Variants in BRD3 observed in about 807,000 individuals in gnomAD.
BRD3 encodes the protein bromodomain containing 3.
Under a neutral mutation model 66.8 loss-of-function variants are expected in BRD3, and 17 were observed. The ratio of observed to expected loss-of-function variants is 0.25; its 90% CI spans 0.17 to 0.38. The LOEUF (loss-of-function observed/expected upper bound fraction) is 0.38. Among genes scored for constraint, BRD3 ranks in the 10% least tolerant of loss-of-function variants. The pLI, the probability that BRD3 is intolerant of heterozygous loss-of-function variation, is 1.00. For missense variants in BRD3, 713 were observed against 956.1 expected (o/e 0.75, Z 3.35); for synonymous variants, 421 against 393.2 (o/e 1.07, Z -0.84).
chr9:134,062,685 C>T (rs989359928), intron 1 of BRD3, among the ~76,000 whole-genome samples: 3 of 152,190 alleles, frequency 2.0e-5, no homozygotes, highest in Non-Finnish European at 2.9e-5. Flanking sequence ...CCTCATGAGG[C>T]GCGTGAGGAG....
chr9:134,034,181 C>A (rs544891886), intron 11 of BRD3, among the ~76,000 whole-genome samples: 151 of 152,360 alleles, frequency 9.9e-4, no homozygotes, highest in African/African-American at 3.4e-3. Flanking sequence ...ACTGTCCCCC[C>A]CATATGTGTG....
At position 134,042,422 on chromosome 9, in the gene BRD3, CA is replaced by C. The variant is rs562263097; in HGVS notation, c.1216-472del. 6.5e-3 allele frequency among the ~76,000 whole-genome samples: 993 copies of C among 152,252 alleles called. 17 individuals are homozygous for C. The highest frequency in any genetic ancestry group is 0.023 in the African/African-American group (948 of 41,528). On this transcript the variant is annotated intron_variant, in intron 7 of 11. Coordinates refer to ENST00000303407, the MANE Select transcript of BRD3 (RefSeq NM_007371.4). ...ATCACATCTCATGAACGGTGAACTC[CA>C]AAAGTTGGCTTAAAAGGCCAAAGTC...
intron 1 of BRD3, among the ~76,000 whole-genome samples, chr9:134,059,809 C>T (rs1051217245): frequency 5.9e-5 from 9 of 152,216 alleles, no homozygotes; most frequent in South Asian, 4.1e-4. Flanking sequence ...CTTTGCTGTG[C>T]GGGCAAGGCC....
At position 134,031,866 on chromosome 9, in the gene BRD3, G is replaced by A. The variant is rs1156634539; in HGVS notation, c.*1724C>T. 9.0e-6 allele frequency: 2 copies of A among 222,440 alleles called. No individual in the cohort carries two copies. Among genetic ancestry groups the A allele is most frequent in the Non-Finnish European group, 9.0e-6 (1 of 111,172 alleles). 13.8% of individuals were successfully genotyped at this position (222,440 alleles called of 1,614,324 possible). On this transcript the variant is annotated 3_prime_UTR_variant, in exon 12 of 12. Coordinates refer to ENST00000303407, the MANE Select transcript of BRD3 (RefSeq NM_007371.4). ...AGCGTCTGCCTGGAGGCTCCCCCAC[G>A]CTGAGGTCCGGGAGAATGCCTGGTT...
chr9:134,060,424 T>C lies in BRD3; in HGVS notation c.-113-6834A>G, dbSNP rs145778820. 6.6e-5 allele frequency among the ~76,000 whole-genome samples: 10 copies of C among 152,150 alleles called. No individual in the cohort carries two copies. The East Asian group carries it at 1.9e-3, about 29-fold the overall frequency. ...CCTGGGCAACATAGTAAGGCCCTGA[T>C]TCTACGAAAATTTAAAAAAATTAGC... On this transcript the variant is annotated intron_variant, in intron 1 of 11. Coordinates refer to ENST00000303407, the MANE Select transcript of BRD3 (RefSeq NM_007371.4).
intron 1 of BRD3, among the ~76,000 whole-genome samples, chr9:134,063,235 G>GGCAGAGCTAAGAGCAAA (rs1830581238): frequency 6.6e-6 from 1 of 152,248 alleles, no homozygotes; most frequent in Admixed American, 6.5e-5. Flanking sequence ...ACAGACCGGA[G>GGCAGAGCTAAGAGCAAA]GCAGAGCTAA....
At chr9:134,042,642 T>TACACAC (rs1317188449) in intron 7 of BRD3, among the ~76,000 whole-genome samples, 4 of 112,682 alleles carry the variant, frequency 3.5e-5, no homozygotes, top group Non-Finnish European at 5.3e-5. Context: ...GCCTCAAATA[T>TACACAC]ATATACACAC....
intron 9 of BRD3, 49 bp downstream of exon 9, chr9:134,039,985 G>A (rs1259011089): frequency 1.9e-6 from 3 of 1,543,844 alleles, no homozygotes; most frequent in Non-Finnish European, 2.6e-6. Context: ...GAGCCCCCAT[G>A]GCGTGCTGAG....
rs34389248 is a variant in BRD3 at position 134,033,303 on chromosome 9, G to T, written c.*287C>A. ...AGGTTCTTCGGTACGAATCTCACACGGTTTTCTGGGGTCATCGGGTTAGCA... is the reference window on the plus strand; with the variant it reads ...AGGTTCTTCGGTACGAATCTCACACTGTTTTCTGGGGTCATCGGGTTAGCA... On this transcript the variant is annotated 3_prime_UTR_variant, in exon 12 of 12. Transcript: ENST00000303407. The surrounding 1 kb of genome is among the most constrained non-coding windows in gnomAD (Gnocchi z 5.1). 4.1e-3 allele frequency: 1,748 copies of T among 428,154 alleles called. 5 individuals are homozygous for T. The highest frequency in any genetic ancestry group is 7.7e-3 in the Middle Eastern group (13 of 1,680). 26.5% of individuals were successfully genotyped at this position (428,154 alleles called of 1,614,324 possible).
intron 1 of BRD3, among the ~76,000 whole-genome samples, chr9:134,062,594 C>A (rs1830567945): frequency 6.6e-6 from 1 of 152,176 alleles, no homozygotes; most frequent in African/African-American, 2.4e-5. Flanking sequence ...CCCGTCACCT[C>A]TTCCAAGCTC....
At chr9:134,042,652 C>G (rs927831489) in intron 7 of BRD3, among the ~76,000 whole-genome samples, 1 of 138,686 alleles carries the variant, frequency 7.2e-6, no homozygotes, top group Admixed American at 7.1e-5. Context: ...TATATACACA[C>G]ACACACACAC....
intron 9 of BRD3, chr9:134,036,632 C>T (rs1303423493): frequency 7.0e-7 from 1 of 1,429,012 alleles, no homozygotes; most frequent in Non-Finnish European, 9.8e-7. Context: ...AAAGGGGGAA[C>T]AAAGGAACAG....
Position 134,048,084 on chromosome 9 carries a change from T to C in BRD3, c.1085A>G (p.Lys362Arg), listed in dbSNP as rs1490883863. The C allele has an allele frequency of 1.3e-6, 2 of 1,562,550 alleles. No homozygotes were observed. Among genetic ancestry groups the C allele is most frequent in the Admixed American group, 1.8e-5 (1 of 55,640 alleles). ...AGGGCCTGCCGCGCGGCCACGTACT[T>C]TCACGGTGCTGAGGTCCATCGGGTG... Reference protein sequence around the residue: ...IKHPMDLSTVKRKMDGREYPD... With the variant: ...IKHPMDLSTVRRKMDGREYPD... Residue 362 changes from lysine to arginine, a missense_variant and splice_region_variant, in exon 6 of 12, where the codon AAA (lysine) becomes AGA (arginine). By Grantham distance (26) the Lys-to-Arg change is conservative. Coordinates refer to ENST00000303407, the MANE Select transcript of BRD3 (RefSeq NM_007371.4).
chr9:134,067,026 C>T (rs1363416908), intron 1 of BRD3, among the ~76,000 whole-genome samples: 2 of 152,108 alleles, frequency 1.3e-5, no homozygotes, highest in African/African-American at 4.8e-5. Flanking sequence ...AGACTTCCCG[C>T]ACGCCCCAGC....
At chr9:134,063,348 G>A (rs1830584149) in intron 1 of BRD3, among the ~76,000 whole-genome samples, 1 of 152,210 alleles carries the variant, frequency 6.6e-6, no homozygotes, top group Non-Finnish European at 1.5e-5. Flanking sequence ...ACCAGCGAGG[G>A]CCTGGTCAGC....
chr9:134,057,809 G>C (rs998231263), intron 1 of BRD3: 1 of 152,716 alleles, frequency 6.5e-6, no homozygotes, highest in Admixed American at 6.5e-5. Flanking sequence ...TCAACGGCCA[G>C]CAAGGACACA....
chr9:134,068,499 CGTGTTT>C (rs1224734076), upstream of BRD3: 2 of 150,456 alleles, frequency 1.3e-5, no homozygotes, highest in African/African-American at 4.9e-5. Context: ...GCCGGGAGCC[CGTGTTT>C]GTAAACAAAC....
chr9:134,061,648 G>A (rs950743023), intron 1 of BRD3, among the ~76,000 whole-genome samples: 15 of 152,210 alleles, frequency 9.9e-5, no homozygotes, highest in African/African-American at 2.4e-4. Context: ...ACTCCAGCCC[G>A]TCTCCTGGAC....
intron 1 of BRD3, among the ~76,000 whole-genome samples, chr9:134,060,355 G>A (rs533905736): frequency 1.4e-4 from 22 of 152,316 alleles, no homozygotes; most frequent in Admixed American, 6.5e-4. Context: ...CCAGCACCTT[G>A]GGAGGGGCAG....
Sources: gnomAD v4.1 joint callset for allele counts (sites outside exome capture counted in the v4.1 genomes callset) on GRCh38, gnomAD v4.1.1 for gene constraint, Gnocchi (gnomAD v3.1) non-coding constraint, MANE v1.5 for transcripts, NCBI Gene and HGNC (gene_info 2026-07-23, HGNC 2026-07-21) for gene names.